Variants in PTPRD observed in about 807,000 individuals in gnomAD.
The protein encoded by PTPRD is receptor-type tyrosine-protein phosphatase delta.
In PTPRD, 34 loss-of-function variants were observed where a neutral mutation model predicts 214.5. The observed-to-expected ratio is 0.16, with a 90% CI of 0.12 to 0.21. The LOEUF is 0.21. Among genes scored for constraint, PTPRD ranks in the 10% least tolerant of loss-of-function variants. The pLI, the probability that PTPRD is intolerant of heterozygous loss-of-function variation, is 1.00. For missense variants in PTPRD, 2,545 were observed against 2,398.7 expected (o/e 1.06, Z -1.27); for synonymous variants, 1,128 against 845.7 (o/e 1.33, Z -5.79).
At chr9:8,665,933 T>A (rs527797149) in intron 12 of PTPRD, among the ~76,000 whole-genome samples, 1 of 152,192 alleles carries the variant, frequency 6.6e-6, no homozygotes, top group Non-Finnish European at 1.5e-5. Flanking sequence ...AATGCATGGG[T>A]ATGTTTATTA....
chr9:10,028,084 T>C (rs1044716271), intron 4 of PTPRD, among the ~76,000 whole-genome samples: 9 of 152,158 alleles, frequency 5.9e-5, no homozygotes, highest in African/African-American at 1.9e-4. Context: ...AAATGAATCA[T>C]GAGGGCGGGT....
At chr9:9,012,817 A>G (rs1357375541) in intron 11 of PTPRD, among the ~76,000 whole-genome samples, 2 of 152,192 alleles carry the variant, frequency 1.3e-5, no homozygotes, top group Non-Finnish European at 2.9e-5. Context: ...AACATCAGGC[A>G]GAGATAAAAC....
intron 11 of PTPRD, among the ~76,000 whole-genome samples, chr9:8,921,615 T>C (rs2098828511): frequency 6.6e-6 from 1 of 152,082 alleles, no homozygotes; most frequent in South Asian, 2.1e-4. Context: ...CAACTTAACC[T>C]CCTGAGTAGC....
intron 9 of PTPRD, among the ~76,000 whole-genome samples, chr9:9,259,695 C>G (rs1444854769): frequency 6.6e-6 from 1 of 151,914 alleles, no homozygotes; most frequent in African/African-American, 2.4e-5. Flanking sequence ...CTCTTTAAGT[C>G]AAGTATAAAC....
At chr9:8,946,639 G>C (rs926899227) in intron 11 of PTPRD, among the ~76,000 whole-genome samples, 13 of 152,196 alleles carry the variant, frequency 8.5e-5, no homozygotes, top group African/African-American at 2.4e-4. Context: ...TTCTTTGTCT[G>C]ATGTAAGGGC....
At chr9:10,346,204 G>T (rs539524156) in intron 2 of PTPRD, among the ~76,000 whole-genome samples, 14 of 152,270 alleles carry the variant, frequency 9.2e-5, no homozygotes, top group Non-Finnish European at 1.9e-4. Flanking sequence ...AGAATTAGAA[G>T]CAAAACATAT....
At chr9:8,426,797 GT>G (rs58151324) in intron 35 of PTPRD, among the ~76,000 whole-genome samples, 2,192 of 143,852 alleles carry the variant, frequency 0.015, 46 homozygotes, top group African/African-American at 0.048. Context: ...AATGTCTGAG[GT>G]TTTTTTTTTT....
chr9:10,006,850 C>T (rs1230077861), intron 4 of PTPRD, among the ~76,000 whole-genome samples: 3 of 151,724 alleles, frequency 2.0e-5, no homozygotes, highest in Non-Finnish European at 4.4e-5. Flanking sequence ...GGTGTAATAA[C>T]CTTATGAAAA....
intron 14 of PTPRD, among the ~76,000 whole-genome samples, chr9:8,623,387 C>T (rs1481635935): frequency 6.6e-6 from 1 of 151,902 alleles, no homozygotes; most frequent in Non-Finnish European, 1.5e-5. Flanking sequence ...GATCCTACAA[C>T]AGCCAAATGG....
At chr9:9,579,951 G>A (rs2090220303) in intron 7 of PTPRD, among the ~76,000 whole-genome samples, 1 of 152,044 alleles carries the variant, frequency 6.6e-6, no homozygotes, top group Non-Finnish European at 1.5e-5. Flanking sequence ...AGAATATGCA[G>A]TATTTTTCCT....
intron 4 of PTPRD, among the ~76,000 whole-genome samples, chr9:9,939,799 G>A (rs2090884097): frequency 6.6e-6 from 1 of 152,138 alleles, no homozygotes; most frequent in Non-Finnish European, 1.5e-5. Context: ...GCAGTACGAT[G>A]TGAAGGGCTC....
intron 7 of PTPRD, among the ~76,000 whole-genome samples, chr9:9,653,898 A>T (rs932660343): frequency 3.3e-5 from 5 of 152,174 alleles, no homozygotes; most frequent in African/African-American, 1.2e-4. Context: ...ATTATTTTCA[A>T]TGGAAGGCTT....
intron 9 of PTPRD, among the ~76,000 whole-genome samples, chr9:9,339,493 G>C (rs1375610713): frequency 6.6e-6 from 1 of 152,014 alleles, no homozygotes; most frequent in African/African-American, 2.4e-5. Flanking sequence ...TCCATGATTT[G>C]AGCTGGAGTT....
At chr9:8,821,751 C>T (rs2097070230) in intron 11 of PTPRD, among the ~76,000 whole-genome samples, 1 of 152,148 alleles carries the variant, frequency 6.6e-6, no homozygotes, top group African/African-American at 2.4e-5. Context: ...CGGCAACCTC[C>T]GCCTCCCAGG....
intron 8 of PTPRD, among the ~76,000 whole-genome samples, chr9:9,484,146 A>G (rs1031019913): frequency 6.6e-6 from 1 of 152,042 alleles, no homozygotes; most frequent in Admixed American, 6.6e-5. Context: ...AATTATAATT[A>G]ATAGGAAAAT....
chr9:9,377,214 G>C (rs530949545), intron 9 of PTPRD, among the ~76,000 whole-genome samples: 1 of 152,016 alleles, frequency 6.6e-6, no homozygotes, highest in East Asian at 1.9e-4. Flanking sequence ...AGATATATAT[G>C]AATACAGTAT....
chr9:10,234,019 G>A lies in PTPRD; in HGVS notation c.-545+106944C>T, dbSNP rs190514296. Among the ~76,000 whole-genome samples, 556 of 151,610 alleles carry A rather than the reference G, an allele frequency of 3.7e-3. 6 individuals carry two copies. Among genetic ancestry groups the A allele is most frequent in the African/African-American group, 0.012 (512 of 41,390 alleles). On this transcript the variant is annotated intron_variant, in intron 3 of 45. Transcript: ENST00000381196. ...TGTAATCCCAGCACTTTTGGAGGCCGAGGCGGGTGGTTCACCTTAGGTCAG... is the reference window on the plus strand; with the variant it reads ...TGTAATCCCAGCACTTTTGGAGGCCAAGGCGGGTGGTTCACCTTAGGTCAG...
At chr9:9,115,848 A>C (rs1428915074) in intron 10 of PTPRD, among the ~76,000 whole-genome samples, 2 of 152,198 alleles carry the variant, frequency 1.3e-5, no homozygotes, top group Non-Finnish European at 2.9e-5. Flanking sequence ...AGTGGATTTG[A>C]TATAGAAAAT....
intron 10 of PTPRD, among the ~76,000 whole-genome samples, chr9:9,169,331 G>A (rs958257616): frequency 6.6e-6 from 1 of 152,072 alleles, no homozygotes. Flanking sequence ...TATACTCAGT[G>A]TTTCTGATTC....
Sources: gnomAD v4.1 joint callset for allele counts (sites outside exome capture counted in the v4.1 genomes callset) on GRCh38, gnomAD v4.1.1 for gene constraint, MANE v1.5 for transcripts, NCBI Gene and HGNC (gene_info 2026-07-23, HGNC 2026-07-21) for gene names.